The following CYP19A1 variants were observed in gnomAD, a reference collection of about 807,000 sequenced individuals.
CYP19A1 encodes aromatase.
CYP19A1 carries 32 observed loss-of-function variants against 44.4 expected under a neutral mutation model. The observed-to-expected ratio is 0.72, with a 90% CI of 0.54 to 0.97. The LOEUF (loss-of-function observed/expected upper bound fraction) is 0.97. Among genes scored for constraint, CYP19A1 ranks in the 50% least tolerant of loss-of-function variants. The probability of loss-of-function intolerance (pLI) is 0.00; values close to 1 mark genes in which losing one functional copy is unlikely to be tolerated. For synonymous variants in CYP19A1, 212 were observed against 215.6 expected, an observed-to-expected ratio of 0.98 and a Z score of 0.14; for missense variants, 598 against 637.8, an observed-to-expected ratio of 0.94 and a Z score of 0.67.
At chr15:51,292,866 A>G (rs968887709) in intron 1 of CYP19A1, among the ~76,000 whole-genome samples, 3 of 148,828 alleles carry the variant, frequency 2.0e-5, no homozygotes, top group African/African-American at 7.5e-5. Flanking sequence ...GGGGTCCTTT[A>G]GTGGACACAG....
Position 51,222,789 on chromosome 15 carries a change from T to C in CYP19A1, c.452-264A>G, listed in dbSNP as rs557624115. ...AACAAACTATTAAAAATTAAACTTT[T>C]TTTCATGCTCTAGCCAGCCATTTAT... On this transcript the variant is annotated intron_variant, in intron 4 of 9. Transcript: ENST00000396402. 2.0e-5 allele frequency among the ~76,000 whole-genome samples: 3 copies of C among 152,328 alleles called. No homozygotes were observed. The East Asian group carries it at 5.8e-4, about 29-fold the overall frequency.
chr15:51,242,813 G>T lies in CYP19A1; in HGVS notation c.100C>A (p.Leu34Ile). 6.3e-7 allele frequency: 1 copy of T among 1,582,588 alleles called. No homozygotes were observed. ...ATMPVLLLTGLFLLVWNYEGT... is the reference protein window; with the variant it reads ...ATMPVLLLTGIFLLVWNYEGT... ...TCATAATTCCACACCAAGAGAAAAA[G>T]GCCAGTGAGGAGCAGGACTGGCATG... The change falls in exon 2 of 10, where the codon CTT (leucine) becomes ATT (isoleucine). Residue 34 changes from leucine (L) to isoleucine (I), a missense_variant. By Grantham distance (5) the Leu-to-Ile change is conservative. Transcript: ENST00000396402.
intron 1 of CYP19A1, among the ~76,000 whole-genome samples, chr15:51,333,250 CA>C (rs2036728841): frequency 6.6e-6 from 1 of 152,204 alleles, no homozygotes; most frequent in Admixed American, 6.5e-5. Flanking sequence ...TCAGGGCCAG[CA>C]GCTGAGGTGC....
intron 1 of CYP19A1, among the ~76,000 whole-genome samples, chr15:51,331,400 C>A (rs2036698912): frequency 6.6e-6 from 1 of 152,126 alleles, no homozygotes; most frequent in South Asian, 2.1e-4. Context: ...CCAAGACATT[C>A]CTCCTCTCTG....
chr15:51,257,336 A>G (rs1179926280), intron 1 of CYP19A1, among the ~76,000 whole-genome samples: 3 of 152,194 alleles, frequency 2.0e-5, no homozygotes, highest in African/African-American at 7.2e-5. Context: ...CATGGCCCCA[A>G]TTCGCTACAC....
chr15:51,328,209 A>G (rs191999832), intron 1 of CYP19A1, among the ~76,000 whole-genome samples: 1 of 152,360 alleles, frequency 6.6e-6, no homozygotes, highest in East Asian at 1.9e-4. Flanking sequence ...CATTCCTGAA[A>G]AATTCAGTGT....
chr15:51,298,159 G>T (rs1273135091), intron 1 of CYP19A1, among the ~76,000 whole-genome samples: 1 of 152,202 alleles, frequency 6.6e-6, no homozygotes, highest in Non-Finnish European at 1.5e-5. Flanking sequence ...CAGCTGGAAT[G>T]CCGCCACTGT....
rs2030864464 is a variant in CYP19A1 at position 51,210,740 on chromosome 15, A to C, written c.*68T>G. The C allele has an allele frequency of 2.0e-6, 2 of 1,023,974 alleles. No homozygotes were observed. The highest frequency in any genetic ancestry group is 1.6e-6 in the Non-Finnish European group (1 of 640,482). 63.4% of individuals were successfully genotyped at this position (1,023,974 alleles called of 1,614,324 possible). On this transcript the variant is annotated 3_prime_UTR_variant, in exon 10 of 10. Transcript: ENST00000396402. ...TCACTGTGAGGATGACACTATTGGC[A>C]AGGATGGATGATTTGTATGTGAACT...
At chr15:51,311,814 CAT>C (rs2036316543) in intron 1 of CYP19A1, among the ~76,000 whole-genome samples, 1 of 152,142 alleles carries the variant, frequency 6.6e-6, no homozygotes, top group Admixed American at 6.5e-5. Flanking sequence ...GGCTCACTGA[CAT>C]GTGTGAGGGC....
intron 1 of CYP19A1, among the ~76,000 whole-genome samples, chr15:51,324,140 A>G (rs542614507): frequency 1.2e-4 from 19 of 152,320 alleles, no homozygotes; most frequent in East Asian, 7.7e-4. Flanking sequence ...CAATTTTACA[A>G]TCAAGCAGCA....
intron 8 of CYP19A1, among the ~76,000 whole-genome samples, chr15:51,213,195 A>G (rs541373580): frequency 6.6e-6 from 1 of 152,286 alleles, no homozygotes; most frequent in African/African-American, 2.4e-5. Context: ...TCTCATCAAG[A>G]AAGACCTGCA....
intron 2 of CYP19A1, among the ~76,000 whole-genome samples, chr15:51,240,137 A>G (rs1049015955): frequency 6.8e-6 from 1 of 147,730 alleles, no homozygotes. Context: ...CACTAAGTCA[A>G]CCACCTATGT....
intron 1 of CYP19A1, among the ~76,000 whole-genome samples, chr15:51,295,136 GTTTTT>G (rs71426072): frequency 0.025 from 3,257 of 131,398 alleles, 110 homozygotes; most frequent in East Asian, 0.16. Context: ...TTAACAACGT[GTTTTT>G]TTTTTTTTTT....
At chr15:51,273,105 G>A (rs1566906213) in intron 1 of CYP19A1, among the ~76,000 whole-genome samples, 1 of 152,014 alleles carries the variant, frequency 6.6e-6, no homozygotes, top group Non-Finnish European at 1.5e-5. Flanking sequence ...GACTACAGGT[G>A]CACGTTACCA....
At chr15:51,331,354 G>A (rs891063398) in intron 1 of CYP19A1, among the ~76,000 whole-genome samples, 7 of 152,152 alleles carry the variant, frequency 4.6e-5, no homozygotes, top group African/African-American at 1.7e-4. Context: ...GGCTGGCTAC[G>A]AAAAGGAAAG....
At chr15:51,253,501 C>T (rs1019399782) in intron 1 of CYP19A1, among the ~76,000 whole-genome samples, 1 of 152,138 alleles carries the variant, frequency 6.6e-6, no homozygotes, top group Admixed American at 6.5e-5. Context: ...GTGAGAGCCA[C>T]GAGGTCACTG....
chr15:51,281,260 C>T (rs555742407), intron 1 of CYP19A1, among the ~76,000 whole-genome samples: 2 of 152,214 alleles, frequency 1.3e-5, no homozygotes, highest in African/African-American at 4.8e-5. Context: ...TCTGTTTCTC[C>T]AGGAAACTGT....
chr15:51,304,669 C>T lies in CYP19A1; in HGVS notation c.-39+33826G>A, dbSNP rs373633915. Among the ~76,000 whole-genome samples, 59 of 152,246 alleles carry T rather than the reference C, an allele frequency of 3.9e-4. 1 individual carries two copies. The South Asian group carries it at 0.011, about 29-fold the overall frequency. On this transcript the variant is annotated intron_variant, in intron 1 of 9. Coordinates refer to ENST00000396402, the MANE Select transcript of CYP19A1 (RefSeq NM_000103.4). ...ATTATTGGAGATTATTGAAGTTATT[C>T]TTAGAAAGTCTTCTGAGAGAATCCT...
At chr15:51,288,080 T>G (rs377252099) in intron 1 of CYP19A1, among the ~76,000 whole-genome samples, 9 of 152,148 alleles carry the variant, frequency 5.9e-5, no homozygotes, top group African/African-American at 2.2e-4. Flanking sequence ...CACAAACCTC[T>G]CAAGAGTAAG....
Sources: gnomAD v4.1 joint callset for allele counts (sites outside exome capture counted in the v4.1 genomes callset) on GRCh38, gnomAD v4.1.1 for gene constraint, MANE v1.5 for transcripts, NCBI Gene and HGNC (gene_info 2026-07-23, HGNC 2026-07-21) for gene names.